The following MGAM2 variants were observed in gnomAD, a reference collection of about 807,000 sequenced individuals.
MGAM2 encodes the protein probable maltase-glucoamylase 2.
In MGAM2, 98 loss-of-function variants were observed where a neutral mutation model predicts 96.1. The observed-to-expected ratio is 1.02, with a 90% CI of 0.87 to 1.21. The LOEUF is 1.21. Among genes scored for constraint, MGAM2 ranks in the 50% most tolerant of loss-of-function variants. MGAM2 has a pLI of 0.00. For synonymous variants in MGAM2, 749 were observed against 414.8 expected, an observed-to-expected ratio of 1.81 and a Z score of -9.79; for missense variants, 2,055 against 1,182.4, an observed-to-expected ratio of 1.74 and a Z score of -10.82.
intron 46 of MGAM2, among the ~76,000 whole-genome samples, chr7:142,209,457 A>G (rs1264642134): frequency 6.6e-6 from 1 of 152,236 alleles, no homozygotes; most frequent in African/African-American, 2.4e-5. Context: ...CACCTTGCAT[A>G]TTAAATGATC....
chr7:142,221,428 C>G lies in MGAM2; in HGVS notation c.6917C>G (p.Ser2306Cys), dbSNP rs1797923927. The G allele has an allele frequency of 1.7e-6, 1 of 591,438 alleles. No individual in the cohort carries two copies. The highest frequency in any genetic ancestry group is 1.9e-5 in the African/African-American group (1 of 53,762). 36.6% of individuals were successfully genotyped at this position (591,438 alleles called of 1,614,324 possible). A position where few individuals can be genotyped will look rare whatever the true frequency, so the allele number is the denominator to read the frequency against. The change falls in exon 48 of 48, where the codon TCT (serine) becomes TGT (cysteine). Residue 2306 changes from serine to cysteine, a missense_variant. Coordinates refer to ENST00000477922, the MANE Select transcript of MGAM2 (RefSeq NM_001293626.2). ...ACCATTCCTACCCATACTCTTACTT[C>G]TATTCCTAGCTCTATTACTTCTATT... ...SPTIPTHTLT[S>C]IPSSITSILS...
At chr7:142,136,420 T>C (rs1410105313) in intron 7 of MGAM2, 121 bp from the exon 8 acceptor site, 2 of 454,992 alleles carry the variant, frequency 4.4e-6, no homozygotes. Flanking sequence ...TTTGATACAA[T>C]GTTAAACTAC....
At chr7:142,150,721 G>A (rs1418964263) in intron 15 of MGAM2, among the ~76,000 whole-genome samples, 2 of 152,128 alleles carry the variant, frequency 1.3e-5, no homozygotes, top group African/African-American at 4.8e-5. Context: ...AGCACTGTTT[G>A]CTCATTTCTC....
intron 19 of MGAM2, 26 bp downstream of exon 19, chr7:142,158,358 AG>A: frequency 2.8e-6 from 2 of 702,882 alleles, no homozygotes; most frequent in South Asian, 3.0e-5. Flanking sequence ...AAACAATGAA[AG>A]GGGGTATTGC....
At chr7:142,182,957 C>T (rs1796585384) in intron 32 of MGAM2, among the ~76,000 whole-genome samples, 2 of 152,218 alleles carry the variant, frequency 1.3e-5, no homozygotes, top group Admixed American at 6.5e-5. Context: ...GGGGTGGTAA[C>T]TTTTTGTAGT....
intron 4 of MGAM2, among the ~76,000 whole-genome samples, 172 bp from the exon 5 acceptor site, chr7:142,131,346 G>A (rs1007498244): frequency 6.6e-6 from 1 of 152,294 alleles, no homozygotes; most frequent in African/African-American, 2.4e-5. Context: ...GCAGAGGCAG[G>A]AGAATCATTT....
Position 142,221,074 on chromosome 7 carries a change from A to G in MGAM2, c.6563A>G (p.Asn2188Ser), listed in dbSNP as rs139480971. The change falls in exon 48 of 48, where the codon AAT becomes AGT. Residue 2188 changes from asparagine (N) to serine (S), a missense_variant. Transcript: ENST00000477922. Reference protein sequence around the residue: ...VPVTAIPSLANTGVDTTSNSF... With the variant: ...VPVTAIPSLASTGVDTTSNSF... ...GTTACAGCTATTCCTTCTCTTGCAA[A>G]TACTGGTGTTGACACTACTAGCAAC... 227 of 702,528 alleles carry G rather than the reference A, an allele frequency of 3.2e-4. No individual in the cohort carries two copies. In the African/African-American group the frequency reaches 3.6e-3, roughly 11 times the overall value. The allele number at this position is 702,528 out of a possible 1,614,324, so 43.5% of individuals were successfully genotyped here.
rs759172841 is a variant in MGAM2 at position 142,131,511 on chromosome 7, C to A, written c.311-7C>A. ...TTTTCTCTCTCTCCATATCTTGCCACCCCTAGGATTTACTGCCCAGTTGAA... is the reference window on the plus strand; with the variant it reads ...TTTTCTCTCTCTCCATATCTTGCCAACCCTAGGATTTACTGCCCAGTTGAA... On this transcript the variant is annotated splice_region_variant and splice_polypyrimidine_tract_variant and intron_variant, in intron 4 of 47. Transcript: ENST00000477922. 7.1e-6 allele frequency: 5 copies of A among 702,488 alleles called. No individual in the cohort carries two copies. The highest frequency in any genetic ancestry group is 2.0e-5 in the Admixed American group (1 of 49,908). The allele number at this position is 702,488 out of a possible 1,614,324, so 43.5% of individuals were successfully genotyped here.
chr7:142,139,612 A>G (rs1335143279), intron 10 of MGAM2, among the ~76,000 whole-genome samples: 2 of 150,074 alleles, frequency 1.3e-5, no homozygotes, highest in Non-Finnish European at 3.0e-5. Flanking sequence ...GTGAGCTGAG[A>G]TCGCGCCACT....
intron 24 of MGAM2, 143 bp downstream of exon 24, chr7:142,165,166 A>G (rs1795994624): frequency 7.9e-6 from 4 of 509,404 alleles, no homozygotes; most frequent in Non-Finnish European, 1.4e-5. Context: ...GATGCAGGAG[A>G]AACGTGTGCA....
At chr7:142,125,930 T>C (rs1329854290) in intron 3 of MGAM2, among the ~76,000 whole-genome samples, 1 of 152,032 alleles carries the variant, frequency 6.6e-6, no homozygotes. Flanking sequence ...TCCAAATTAC[T>C]CCCCCCAGAA....
chr7:142,194,592 T>G (rs574954240), intron 37 of MGAM2, among the ~76,000 whole-genome samples: 1 of 152,300 alleles, frequency 6.6e-6, no homozygotes, highest in South Asian at 2.1e-4. Context: ...AATCTATACC[T>G]TTTACTTCAT....
chr7:142,173,872 G>T (rs1200460167), intron 31 of MGAM2, among the ~76,000 whole-genome samples: 2 of 152,154 alleles, frequency 1.3e-5, no homozygotes, highest in African/African-American at 2.4e-5. Context: ...TGTAAGGAAG[G>T]GGTCCAGTTT....
chr7:142,210,452 C>T (rs1797543061), intron 46 of MGAM2, among the ~76,000 whole-genome samples: 1 of 152,148 alleles, frequency 6.6e-6, no homozygotes, highest in South Asian at 2.1e-4. Flanking sequence ...GAAATACTCG[C>T]CGCCAGCACA....
intron 17 of MGAM2, among the ~76,000 whole-genome samples, chr7:142,156,546 A>G (rs910326689): frequency 6.6e-6 from 1 of 152,242 alleles, no homozygotes; most frequent in Non-Finnish European, 1.5e-5. Flanking sequence ...CTCAATAAAC[A>G]TAGTTCAAGT....
chr7:142,118,414 G>C (rs968496936), intron 2 of MGAM2, among the ~76,000 whole-genome samples: 2 of 152,142 alleles, frequency 1.3e-5, no homozygotes, highest in African/African-American at 4.8e-5. Context: ...CGTAAAGATA[G>C]TGATAGTGAA....
chr7:142,136,849 G>A (rs1795075450), intron 8 of MGAM2, among the ~76,000 whole-genome samples: 1 of 152,040 alleles, frequency 6.6e-6, no homozygotes, highest in Non-Finnish European at 1.5e-5. Flanking sequence ...ACCACTTCAG[G>A]GGTCTTCTTT....
chr7:142,183,950 C>CTTTT lies in MGAM2; in HGVS notation c.3924+614_3924+617dup, dbSNP rs748299647. 4.8e-3 allele frequency among the ~76,000 whole-genome samples: 223 copies of CTTTT among 46,134 alleles called. 75 individuals are homozygous for CTTTT. The highest frequency in any genetic ancestry group is 9.2e-3 in the Non-Finnish European group (187 of 20,360). The allele number at this position is 46,134 out of a possible 152,430, so 30.3% of individuals were successfully genotyped here. Reference sequence around the variant, plus strand: ...ACTGCTCTGGATGTATTCCAGGCTCCTTTTTTTTTTTTTTTTTTTTTTTTT... The same window carrying CTTTT: ...ACTGCTCTGGATGTATTCCAGGCTCCTTTTTTTTTTTTTTTTTTTTTTTTTTTTT... On this transcript the variant is annotated intron_variant, in intron 33 of 47. Transcript: ENST00000477922.
In MGAM2 at chr7:142,172,102, A is replaced by C. The variant is rs1443437133; in HGVS notation, c.3356A>C (p.Lys1119Thr). Reference protein sequence around the residue: ...MFAHDEPPAYKKNSYGVHPYY... With the variant: ...MFAHDEPPAYTKNSYGVHPYY... ...TATTACCCTCGTGACTCCCAGTACA[A>C]GAAGAATTCCTATGGTGTCCACCCT... The change falls in exon 29 of 48, where the codon AAG becomes ACG. Residue 1119 changes from lysine to threonine, a missense_variant. Lys to Thr is a moderately conservative substitution (Grantham distance 78). Coordinates refer to ENST00000477922, the MANE Select transcript of MGAM2 (RefSeq NM_001293626.2). The C allele has an allele frequency of 5.5e-6, 4 of 727,990 alleles. No homozygotes were observed. Among genetic ancestry groups the C allele is most frequent in the Non-Finnish European group, 1.0e-5 (4 of 397,842 alleles). The allele number at this position is 727,990 out of a possible 1,614,324, so 45.1% of individuals were successfully genotyped here.
Sources: gnomAD v4.1 joint callset for allele counts (sites outside exome capture counted in the v4.1 genomes callset) on GRCh38, gnomAD v4.1.1 for gene constraint, MANE v1.5 for transcripts, NCBI Gene and HGNC (gene_info 2026-07-23, HGNC 2026-07-21) for gene names.